The following ZNF740 variants were observed in gnomAD, a reference collection of about 807,000 sequenced individuals.
ZNF740 encodes the protein zinc finger protein 740.
A neutral mutation model predicts 24.8 loss-of-function variants in ZNF740; 14 were observed. The ratio of observed to expected loss-of-function variants is 0.56; its 90% CI spans 0.37 to 0.88. The LOEUF (loss-of-function observed/expected upper bound fraction) is 0.88. Ranked by LOEUF, ZNF740 falls within the 40% of genes least tolerant of loss-of-function variation. The pLI is 0.00. For synonymous variants in ZNF740, 69 were observed against 84.0 expected (o/e 0.82, Z 0.98); for missense variants, 201 against 247.9 (o/e 0.81, Z 1.27).
At chr12:53,182,157 C>CT in intron 2 of ZNF740, 165 bp downstream of exon 2, 1 of 978,336 alleles carries the variant, frequency 1.0e-6, no homozygotes. Flanking sequence ...GCCACAGCCC[C>CT]TGCCTTCAGG....
At chr12:53,182,501 ACT>A (rs1176839347) in intron 2 of ZNF740, among the ~76,000 whole-genome samples, 1 of 152,006 alleles carries the variant, frequency 6.6e-6, no homozygotes, top group East Asian at 1.9e-4. Flanking sequence ...AGTAGTAGAG[ACT>A]CTGAATCTGT....
chr12:53,185,605 C>A, intron 4 of ZNF740, 129 bp downstream of exon 4: 3 of 830,696 alleles, frequency 3.6e-6, no homozygotes, highest in Non-Finnish European at 5.7e-6. Flanking sequence ...GTGAGTGAGT[C>A]CCCCAGATTT....
rs930249294 is a variant in ZNF740 at position 53,191,351 on chromosome 12, G to C, written c.*3761G>C. 4 of 590,154 alleles carry C rather than the reference G, an allele frequency of 6.8e-6. No individual in the cohort carries two copies. In the African/African-American group the frequency reaches 7.4e-5, roughly 11 times the overall value. The allele number at this position is 590,154 out of a possible 1,614,324, so 36.6% of individuals were successfully genotyped here. A position where few individuals can be genotyped will look rare whatever the true frequency, so the allele number is the denominator to read the frequency against. On this transcript the variant is annotated 3_prime_UTR_variant, in exon 7 of 7. Coordinates refer to ENST00000416904, the MANE Select transcript of ZNF740 (RefSeq NM_001004304.4). Reference sequence around the variant, plus strand: ...GAGGTAAGACTTTATTGTATACTTGGGTGGGGTAGCCCAGATGGATGCAAG... The same window carrying C: ...GAGGTAAGACTTTATTGTATACTTGCGTGGGGTAGCCCAGATGGATGCAAG...
Position 53,185,437 on chromosome 12 carries a change from C to G in ZNF740, c.210C>G (p.Ser70Arg). 6.2e-7 allele frequency: 1 copy of G among 1,614,008 alleles called. No homozygotes were observed. The highest frequency in any genetic ancestry group is 8.5e-7 in the Non-Finnish European group (1 of 1,179,892). The change falls in exon 4 of 7, where the codon AGC (serine) becomes AGG (arginine). Residue 70 changes from serine (S) to arginine (R), a missense_variant. Transcript: ENST00000416904. ...DKSRSRKDDD[S>R]LSEASHSKKT... ...CCCGGAGCCGCAAAGATGATGACAG[C>G]TTGTCTGAGGCCTCTCATTCAAAAA... is the stretch of plus-strand genomic sequence containing the variant.
In ZNF740 at chr12:53,185,085, C is replaced by T. The variant is rs768559143; in HGVS notation, c.159+45C>T. On this transcript the variant is annotated intron_variant, in intron 3 of 6. Transcript: ENST00000416904. ...TGTGGCACCTGGGGATCGGGTGGCC[C>T]AAGCTCTCTGCCAGGAGATACCAAG... 31 of 1,608,994 alleles carry T rather than the reference C, an allele frequency of 1.9e-5. No individual in the cohort carries two copies. The South Asian group carries it at 3.3e-4, about 17-fold the overall frequency.
rs553868833 is a variant in ZNF740, at chr12:53,180,765, G to A, written c.-380G>A. The A allele has an allele frequency of 1.6e-6, 2 of 1,272,456 alleles. No individual in the cohort carries two copies. The highest frequency in any genetic ancestry group is 1.3e-5 in the South Asian group (1 of 79,182). 78.8% of individuals were successfully genotyped at this position (1,272,456 alleles called of 1,614,324 possible). A position where few individuals can be genotyped will look rare whatever the true frequency, so the allele number is the denominator to read the frequency against. Reference sequence around the variant, plus strand: ...CGGTGGGGGCAGCCGCGGCGGTGGGGTTGGCAGGGTGTGCTGGGGCCTGGA... The same window carrying A: ...CGGTGGGGGCAGCCGCGGCGGTGGGATTGGCAGGGTGTGCTGGGGCCTGGA... On this transcript the variant is annotated 5_prime_UTR_variant, in exon 1 of 7. Coordinates refer to ENST00000416904, the MANE Select transcript of ZNF740 (RefSeq NM_001004304.4).
rs1942088467 is a variant in ZNF740 at position 53,194,508 on chromosome 12, T to G, written c.*6918T>G. The G allele has an allele frequency of 9.4e-6, 6 of 636,200 alleles. No individual in the cohort carries two copies. The East Asian group carries it at 1.4e-4, about 15-fold the overall frequency. The allele number at this position is 636,200 out of a possible 1,614,324, so 39.4% of individuals were successfully genotyped here. A position where few individuals can be genotyped will look rare whatever the true frequency, so the allele number is the denominator to read the frequency against. ...GAGGCATTTCTGGAGGGAGGACCCGTGAGAACCTTGCATAGAACATACAGG... is the reference window on the plus strand; with the variant it reads ...GAGGCATTTCTGGAGGGAGGACCCGGGAGAACCTTGCATAGAACATACAGG... On this transcript the variant is annotated 3_prime_UTR_variant, in exon 7 of 7. Coordinates refer to ENST00000416904, the MANE Select transcript of ZNF740 (RefSeq NM_001004304.4).
chr12:53,191,922 T>C lies in ZNF740; in HGVS notation c.*4332T>C. 1 of 1,610,430 alleles carries C rather than the reference T, an allele frequency of 6.2e-7. No individual in the cohort carries two copies. Among genetic ancestry groups the C allele is most frequent in the Non-Finnish European group, 8.5e-7 (1 of 1,179,688 alleles). ...GACTGTATTCCCGGCGGTCATAGAT[T>C]TCCACCGAGAGCCGGTAAGCCAGGA... On this transcript the variant is annotated 3_prime_UTR_variant, in exon 7 of 7. Coordinates refer to ENST00000416904, the MANE Select transcript of ZNF740 (RefSeq NM_001004304.4).
In ZNF740 at chr12:53,186,046, C is replaced by T; in HGVS notation, c.342C>T (p.Tyr114=). ...GCTTTGGAGCCTTTCGGAGCAGTTA[C>T]CACCTAAAGAGGCACATCCTTATTC... ...EHCFGAFRSS[Y]HLKRHILIHT... Residue 114 remains tyrosine (Y), a synonymous_variant, in exon 5 of 7, where the codon TAC becomes TAT. Coordinates refer to ENST00000416904, the MANE Select transcript of ZNF740 (RefSeq NM_001004304.4). 1 of 1,613,936 alleles carries T rather than the reference C, an allele frequency of 6.2e-7. No individual in the cohort carries two copies. The highest frequency in any genetic ancestry group is 8.5e-7 in the Non-Finnish European group (1 of 1,179,840).
chr12:53,181,657 C>CA lies in ZNF740; in HGVS notation c.-307-20_-307-19insA, dbSNP rs746872456. 31 of 428,468 alleles carry CA rather than the reference C, an allele frequency of 7.2e-5. 1 individual carries two copies. In the East Asian group the frequency reaches 1.7e-3, roughly 24 times the overall value. The allele number at this position is 428,468 out of a possible 1,614,324, so 26.5% of individuals were successfully genotyped here. A position where few individuals can be genotyped will look rare whatever the true frequency, so the allele number is the denominator to read the frequency against. ...GAAGATGTTGCATTTAGCAGCCCCCCTCTTCCTTTCTGGTTTCAGGTTTCT... is the reference window on the plus strand; with the variant it reads ...GAAGATGTTGCATTTAGCAGCCCCCCATCTTCCTTTCTGGTTTCAGGTTTCT... On this transcript the variant is annotated intron_variant, in intron 1 of 6. Coordinates refer to ENST00000416904, the MANE Select transcript of ZNF740 (RefSeq NM_001004304.4).
At position 53,193,849 on chromosome 12, in the gene ZNF740, A is replaced by G; in HGVS notation, c.*6259A>G. The G allele has an allele frequency of 6.2e-7, 1 of 1,614,054 alleles. No individual in the cohort carries two copies. Among genetic ancestry groups the G allele is most frequent in the African/African-American group, 1.3e-5 (1 of 75,012 alleles). ...GAAGCCAAGGGCCCGGAGCCTCAGGAGATGGGGCTCTGGGAGGCAGTGGGT... is the reference window on the plus strand; with the variant it reads ...GAAGCCAAGGGCCCGGAGCCTCAGGGGATGGGGCTCTGGGAGGCAGTGGGT... On this transcript the variant is annotated 3_prime_UTR_variant, in exon 7 of 7. Transcript: ENST00000416904.
Position 53,194,201 on chromosome 12 carries a change from C to T in ZNF740, c.*6611C>T. On this transcript the variant is annotated 3_prime_UTR_variant, in exon 7 of 7. Coordinates refer to ENST00000416904, the MANE Select transcript of ZNF740 (RefSeq NM_001004304.4). ...GCCTGTGCTTGCTGGCTCTCACCGT[C>T]TGGTTGATTCGGACGTGGTTGCACT... 6.2e-7 allele frequency: 1 copy of T among 1,614,126 alleles called. No individual in the cohort carries two copies. The highest frequency in any genetic ancestry group is 8.5e-7 in the Non-Finnish European group (1 of 1,180,016).
rs1243968149 is a variant in ZNF740, at chr12:53,184,945, G to A, written c.64G>A (p.Ala22Thr). 6.2e-7 allele frequency: 1 copy of A among 1,613,914 alleles called. No individual in the cohort carries two copies. The highest frequency in any genetic ancestry group is 1.3e-5 in the African/African-American group (1 of 74,938). ...LAGVSLVPTA[A>T]SKKMMLSQIA... Reference sequence around the variant, plus strand: ...AGGTGTGAGTTTGGTTCCCACTGCAGCCAGCAAGAAGATGATGCTGAGCCA... The same window carrying A: ...AGGTGTGAGTTTGGTTCCCACTGCAACCAGCAAGAAGATGATGCTGAGCCA... The change falls in exon 3 of 7, where the codon GCC (alanine) becomes ACC (threonine). Residue 22 changes from alanine (A) to threonine (T), a missense_variant. Physicochemically the swap from Ala to Thr is moderately conservative, Grantham distance 58 (BLOSUM62 0). Around this residue, in one of 3 missense-constraint regions of ZNF740, gnomAD observed 117 missense variants for 122.3 expected, o/e 0.96. Transcript: ENST00000416904.
At chr12:53,183,866 CA>C (rs938473219) in intron 2 of ZNF740, among the ~76,000 whole-genome samples, 2 of 150,182 alleles carry the variant, frequency 1.3e-5, no homozygotes, top group Non-Finnish European at 3.0e-5. Context: ...TCTATAAATA[CA>C]AAAAAAAATA....
rs1403951520 is a variant in ZNF740, at chr12:53,191,913, G to A, written c.*4323G>A. The stretch of plus-strand genomic sequence containing the variant: ...TCTCAAAGCGACTGTATTCCCGGCG[G>A]TCATAGATTTCCACCGAGAGCCGGT... On this transcript the variant is annotated 3_prime_UTR_variant, in exon 7 of 7. Transcript: ENST00000416904. The A allele has an allele frequency of 6.2e-7, 1 of 1,611,180 alleles. No homozygotes were observed. Among genetic ancestry groups the A allele is most frequent in the South Asian group, 1.1e-5 (1 of 91,044 alleles).
At chr12:53,183,856 T>C (rs1309894203) in intron 2 of ZNF740, among the ~76,000 whole-genome samples, 8 of 151,978 alleles carry the variant, frequency 5.3e-5, no homozygotes. Context: ...AAACCCCGTC[T>C]CTATAAATAC....
chr12:53,181,463 ATAGGAGGCCCC>A (rs1398377531), intron 1 of ZNF740: 2 of 985,272 alleles, frequency 2.0e-6, no homozygotes, highest in Non-Finnish European at 2.4e-6. Context: ...GAGTTCCTCC[ATAGGAGGCCCC>A]AATTACTTTT....
Position 53,182,050 on chromosome 12 carries a change from T to C in ZNF740, c.9+58T>C, listed in dbSNP as rs1490722055. 14 of 1,584,976 alleles carry C rather than the reference T, an allele frequency of 8.8e-6. No homozygotes were observed. In the Admixed American group the frequency reaches 1.3e-4, roughly 14 times the overall value. Reference sequence around the variant, plus strand: ...CTGGGAAGCCTGTTTGCAGTTTCACTCTTGAATGCTGCCTTAGTCAACATA... The same window carrying C: ...CTGGGAAGCCTGTTTGCAGTTTCACCCTTGAATGCTGCCTTAGTCAACATA... On this transcript the variant is annotated intron_variant, in intron 2 of 6. Transcript: ENST00000416904.
At position 53,194,479 on chromosome 12, in the gene ZNF740, A is replaced by G. The variant is rs1337274238; in HGVS notation, c.*6889A>G. The G allele has an allele frequency of 3.4e-5, 28 of 819,492 alleles. No individual in the cohort carries two copies. The highest frequency in any genetic ancestry group is 5.2e-5 in the Non-Finnish European group (27 of 517,390). The allele number at this position is 819,492 out of a possible 1,614,324, so 50.8% of individuals were successfully genotyped here. On this transcript the variant is annotated 3_prime_UTR_variant, in exon 7 of 7. Transcript: ENST00000416904. The stretch of plus-strand genomic sequence containing the variant: ...ACCTGGGGCTCCTTCCATTCTGCCC[A>G]GTCGAGGCATTTCTGGAGGGAGGAC...
Sources: gnomAD v4.1 joint callset for allele counts (sites outside exome capture counted in the v4.1 genomes callset) on GRCh38, gnomAD v4.1.1 for gene constraint, gnomAD v4.1.1 regional missense constraint, MANE v1.5 for transcripts, NCBI Gene and HGNC (gene_info 2026-07-23, HGNC 2026-07-21) for gene names.